CNTNAP5: variants seen among roughly 807,000 people sequenced by gnomAD.
CNTNAP5 encodes contactin associated protein family member 5.
A neutral mutation model predicts 150.2 loss-of-function variants in CNTNAP5; 72 were observed. The ratio of observed to expected loss-of-function variants is 0.48; its 90% confidence interval spans 0.40 to 0.58. The LOEUF is 0.58. CNTNAP5 is among the 20% of genes least tolerant of loss of function. The pLI is 0.00. For missense variants in CNTNAP5, 1,636 were observed against 1,626.2 expected, an observed-to-expected ratio of 1.01 and a Z score of -0.10; for synonymous variants, 672 against 619.8, an observed-to-expected ratio of 1.08 and a Z score of -1.25.
intron 14 of CNTNAP5, among the ~76,000 whole-genome samples, chr2:124,748,501 A>G (rs1354683540): frequency 1.3e-5 from 2 of 152,162 alleles, no homozygotes; most frequent in South Asian, 4.1e-4. Flanking sequence ...TTTTGACTGA[A>G]TTTAAAGCAT....
At chr2:124,281,850 C>T (rs141819503) in intron 3 of CNTNAP5, among the ~76,000 whole-genome samples, 219 of 152,280 alleles carry the variant, frequency 1.4e-3, no homozygotes, top group African/African-American at 5.2e-3. Flanking sequence ...TCAGGCCGAA[C>T]AGCAATCTCT....
intron 3 of CNTNAP5, among the ~76,000 whole-genome samples, chr2:124,369,881 C>T (rs1177628873): frequency 6.6e-6 from 1 of 152,092 alleles, no homozygotes. Context: ...TCAGAGCAAT[C>T]TGGGGTCAGT....
intron 20 of CNTNAP5, among the ~76,000 whole-genome samples, chr2:124,867,005 ACT>A (rs1208877449): frequency 1.3e-5 from 2 of 151,642 alleles, no homozygotes; most frequent in Admixed American, 6.6e-5. Context: ...GTGTGTTTGC[ACT>A]CTCTCTCCCT....
chr2:124,732,983 G>A (rs1680304739), intron 13 of CNTNAP5, among the ~76,000 whole-genome samples: 1 of 151,972 alleles, frequency 6.6e-6, no homozygotes, highest in Admixed American at 6.6e-5. Flanking sequence ...CTTGGAGGTG[G>A]GTCTATTCAC....
chr2:124,866,090 C>A (rs112277499), intron 20 of CNTNAP5, among the ~76,000 whole-genome samples: 3 of 151,902 alleles, frequency 2.0e-5, no homozygotes, highest in Admixed American at 2.0e-4. Flanking sequence ...GGCAAAACCC[C>A]ATCAATACTA....
At chr2:124,073,990 G>T (rs1434263463) in intron 1 of CNTNAP5, among the ~76,000 whole-genome samples, 1 of 152,048 alleles carries the variant, frequency 6.6e-6, no homozygotes, top group Admixed American at 6.6e-5. Context: ...TATACACAAT[G>T]GAGTACTATT....
At chr2:124,200,130 A>G (rs972219631) in intron 1 of CNTNAP5, among the ~76,000 whole-genome samples, 1 of 152,164 alleles carries the variant, frequency 6.6e-6, no homozygotes, top group Non-Finnish European at 1.5e-5. Context: ...TTCCAATCCT[A>G]ATTTGCTAAA....
rs71428141 is a variant in CNTNAP5, at chr2:124,241,034, C to T, written c.188-1166C>T. Among the ~76,000 whole-genome samples the T allele has an allele frequency of 2.3e-3, 345 of 152,304 alleles. 1 individual carries two copies. Among genetic ancestry groups the T allele is most frequent in the Non-Finnish European group, 3.5e-3 (238 of 68,028 alleles). On this transcript the variant is annotated intron_variant, in intron 2 of 23. Coordinates refer to ENST00000682447, the MANE Select transcript of CNTNAP5 (RefSeq NM_001367498.1). ...AAATGAAAACTTCAATTACCTCTCC[C>T]TACTTGATGTCCTGAGTTGCTTCTA... is the stretch of plus-strand genomic sequence containing the variant.
intron 3 of CNTNAP5, among the ~76,000 whole-genome samples, chr2:124,303,202 G>A (rs1188796003): frequency 6.6e-6 from 1 of 152,104 alleles, no homozygotes; most frequent in Non-Finnish European, 1.5e-5. Context: ...ATCATTACCA[G>A]CATATGGGGA....
At chr2:124,619,188 A>C (rs1677552012) in intron 12 of CNTNAP5, among the ~76,000 whole-genome samples, 1 of 152,172 alleles carries the variant, frequency 6.6e-6, no homozygotes, top group African/African-American at 2.4e-5. Flanking sequence ...TTGCTGCACC[A>C]ATCTAATTGG....
At chr2:124,340,615 TTGGA>T (rs1689585562) in intron 3 of CNTNAP5, among the ~76,000 whole-genome samples, 1 of 151,812 alleles carries the variant, frequency 6.6e-6, no homozygotes, top group Admixed American at 6.6e-5. Context: ...CAGTAATCTC[TTGGA>T]AATACCCTAA....
At chr2:124,556,015 T>C (rs1452085862) in intron 10 of CNTNAP5, among the ~76,000 whole-genome samples, 10 of 152,218 alleles carry the variant, frequency 6.6e-5, no homozygotes, top group Admixed American at 5.2e-4. Flanking sequence ...AAATCTAAAC[T>C]GACAACTCCA....
Position 124,578,213 on chromosome 2 carries a change from C to T in CNTNAP5, c.1756+14890C>T, listed in dbSNP as rs1045858075. 6.6e-5 allele frequency among the ~76,000 whole-genome samples: 10 copies of T among 150,514 alleles called. No individual in the cohort carries two copies. In the East Asian group the frequency reaches 1.8e-3, roughly 27 times the overall value. On this transcript the variant is annotated intron_variant, in intron 11 of 23. Transcript: ENST00000682447. ...GGCATGGTGGCAGGCACCTGTAATC[C>T]CAGCTACCTGGGAGGCTGAGACAGG...
At chr2:124,644,691 C>T (rs1417085524) in intron 12 of CNTNAP5, among the ~76,000 whole-genome samples, 1 of 152,084 alleles carries the variant, frequency 6.6e-6, no homozygotes, top group African/African-American at 2.4e-5. Flanking sequence ...ACAGATGATA[C>T]AGGTGGAAAA....
intron 13 of CNTNAP5, among the ~76,000 whole-genome samples, chr2:124,678,624 T>A (rs983947420): frequency 6.6e-6 from 1 of 151,618 alleles, no homozygotes; most frequent in Admixed American, 6.7e-5. Context: ...ATTCCCGAGG[T>A]GAGGGTAGAA....
intron 3 of CNTNAP5, among the ~76,000 whole-genome samples, chr2:124,324,728 G>C (rs918539561): frequency 1.3e-5 from 2 of 152,194 alleles, no homozygotes; most frequent in African/African-American, 4.8e-5. Context: ...TGATCAGACA[G>C]AGAAGGCAAG....
At chr2:124,158,103 C>T (rs1684587067) in intron 1 of CNTNAP5, among the ~76,000 whole-genome samples, 1 of 152,136 alleles carries the variant, frequency 6.6e-6, no homozygotes, top group Non-Finnish European at 1.5e-5. Context: ...ATTAAACAAT[C>T]CTGGAGCCAC....
chr2:124,651,773 C>T lies in CNTNAP5; in HGVS notation c.2077+3815C>T, dbSNP rs189124755. Among the ~76,000 whole-genome samples the T allele has an allele frequency of 1.4e-4, 21 of 152,276 alleles. No individual in the cohort carries two copies. In the East Asian group the frequency reaches 3.7e-3, roughly 27 times the overall value. The stretch of plus-strand genomic sequence containing the variant: ...CCAAGCACTGTCTCTGTGAAGGCCA[C>T]GGAGTTGTCAGGGTTGCCTGAACTG... On this transcript the variant is annotated intron_variant, in intron 13 of 23. Coordinates refer to ENST00000682447, the MANE Select transcript of CNTNAP5 (RefSeq NM_001367498.1).
chr2:124,194,501 T>C (rs1038144668), intron 1 of CNTNAP5, among the ~76,000 whole-genome samples: 2 of 150,404 alleles, frequency 1.3e-5, no homozygotes, highest in Non-Finnish European at 1.5e-5. Flanking sequence ...AAACATGCAT[T>C]TACTGGTCAT....
Sources: gnomAD v4.1 joint callset for allele counts (sites outside exome capture counted in the v4.1 genomes callset) on GRCh38, gnomAD v4.1.1 for gene constraint, MANE v1.5 for transcripts, NCBI Gene and HGNC (gene_info 2026-07-23, HGNC 2026-07-21) for gene names.